Variants in MAN1A2 observed in about 807,000 individuals in gnomAD.
The protein encoded by MAN1A2 is mannosyl-oligosaccharide 1,2-alpha-mannosidase IB.
A neutral mutation model predicts 75.7 loss-of-function variants in MAN1A2; 26 were observed. The observed-to-expected ratio is 0.34, with a 90% CI of 0.25 to 0.48. The LOEUF (loss-of-function observed/expected upper bound fraction) is 0.48. MAN1A2 is among the 20% of genes least tolerant of loss of function. The pLI is 0.99. For synonymous variants in MAN1A2, 247 were observed against 264.6 expected, an observed-to-expected ratio of 0.93 and a Z score of 0.65; for missense variants, 562 against 775.5, an observed-to-expected ratio of 0.72 and a Z score of 3.27.
chr1:117,490,087 G>A (rs1303598263), intron 8 of MAN1A2, among the ~76,000 whole-genome samples: 1 of 151,760 alleles, frequency 6.6e-6, no homozygotes, highest in Non-Finnish European at 1.5e-5. Flanking sequence ...AGTATAGGTG[G>A]GATGAAGTAA....
intron 4 of MAN1A2, among the ~76,000 whole-genome samples, chr1:117,415,766 G>T (rs1211526933): frequency 4.6e-5 from 7 of 151,962 alleles, no homozygotes; most frequent in African/African-American, 7.2e-5. Context: ...TTGTTGTTCT[G>T]TTGGCTTCAG....
chr1:117,376,622 C>A (rs546433954), intron 1 of MAN1A2, among the ~76,000 whole-genome samples: 158 of 152,324 alleles, frequency 1.0e-3, no homozygotes, highest in African/African-American at 3.8e-3. Context: ...TATTTTGAAG[C>A]GTTTTGGTAA....
chr1:117,476,437 C>T (rs1048137441), intron 8 of MAN1A2, among the ~76,000 whole-genome samples: 4 of 152,046 alleles, frequency 2.6e-5, no homozygotes, highest in African/African-American at 9.7e-5. Flanking sequence ...TTGTCCATGC[C>T]TATGTCCTGA....
intron 1 of MAN1A2, among the ~76,000 whole-genome samples, chr1:117,371,923 A>T (rs1570688772): frequency 7.1e-6 from 1 of 141,398 alleles, no homozygotes; most frequent in Non-Finnish European, 1.6e-5. Flanking sequence ...TGGGAGGGGG[A>T]CGGGGGCGGG....
At chr1:117,450,869 C>T (rs930921242) in intron 6 of MAN1A2, among the ~76,000 whole-genome samples, 4 of 152,186 alleles carry the variant, frequency 2.6e-5, no homozygotes, top group African/African-American at 9.7e-5. Flanking sequence ...TAGAAGTTTG[C>T]TGCAGGGACA....
intron 1 of MAN1A2, among the ~76,000 whole-genome samples, chr1:117,382,741 G>A (rs1225288166): frequency 6.6e-6 from 1 of 151,974 alleles, no homozygotes; most frequent in Non-Finnish European, 1.5e-5. Context: ...AGCTTGATGG[G>A]GATGGCATTG....
chr1:117,488,046 A>G (rs1296406723), intron 8 of MAN1A2, among the ~76,000 whole-genome samples: 1 of 152,068 alleles, frequency 6.6e-6, no homozygotes, highest in Admixed American at 6.6e-5. Flanking sequence ...TGAAATGTAG[A>G]ATAAGACATC....
intron 1 of MAN1A2, among the ~76,000 whole-genome samples, chr1:117,388,604 C>T (rs773981305): frequency 6.6e-6 from 1 of 152,100 alleles, no homozygotes; most frequent in Non-Finnish European, 1.5e-5. Flanking sequence ...CAAACCAGGT[C>T]TCATGAGAGC....
intron 3 of MAN1A2, among the ~76,000 whole-genome samples, chr1:117,407,433 G>T (rs1039201144): frequency 6.6e-6 from 1 of 151,680 alleles, no homozygotes; most frequent in African/African-American, 2.4e-5. Context: ...GAGAAGCGTG[G>T]TAAGTAGTTC....
Position 117,512,102 on chromosome 1 carries a change from T to A in MAN1A2, c.1793+9132T>A, listed in dbSNP as rs187512084. 1.4e-3 allele frequency among the ~76,000 whole-genome samples: 207 copies of A among 152,196 alleles called. 2 individuals carry two copies. Among genetic ancestry groups the A allele is most frequent in the African/African-American group, 4.8e-3 (199 of 41,550 alleles). ...ACCTACTTTATTTCCTGGTTGGGGC[T>A]TAGAGCTTGATCTCAGAATTCACTT... On this transcript the variant is annotated intron_variant, in intron 12 of 12. Transcript: ENST00000356554.
At chr1:117,485,954 A>G (rs1650685150) in intron 8 of MAN1A2, among the ~76,000 whole-genome samples, 1 of 151,984 alleles carries the variant, frequency 6.6e-6, no homozygotes, top group Non-Finnish European at 1.5e-5. Flanking sequence ...GGATAGAATT[A>G]GTGACAATTA....
intron 1 of MAN1A2, among the ~76,000 whole-genome samples, chr1:117,381,935 A>C (rs1653355920): frequency 6.6e-6 from 1 of 151,622 alleles, no homozygotes; most frequent in Non-Finnish European, 1.5e-5. Context: ...TCTGATGGCC[A>C]GTGATGATGA....
chr1:117,486,539 A>G (rs978503583), intron 8 of MAN1A2, among the ~76,000 whole-genome samples: 1 of 152,036 alleles, frequency 6.6e-6, no homozygotes, highest in African/African-American at 2.4e-5. Context: ...TTATATTCAT[A>G]GAGTAAAAAT....
At position 117,368,416 on chromosome 1, in the gene MAN1A2, T is replaced by C; in HGVS notation, c.233T>C (p.Val78Ala). The stretch of plus-strand genomic sequence containing the variant: ...TTAGAAGATGTGTTAATTCCACATG[T>C]AGATGCCGGTAAAGGGGCTAAAAAC... ...LGLEDVLIPH[V>A]DAGKGAKNPG... Residue 78 changes from valine (V) to alanine (A), a missense_variant, in exon 1 of 13, where the codon GTA (valine) becomes GCA (alanine). Transcript: ENST00000356554. 6.2e-7 allele frequency: 1 copy of C among 1,614,126 alleles called. No individual in the cohort carries two copies.
intron 1 of MAN1A2, among the ~76,000 whole-genome samples, chr1:117,387,479 G>T (rs994074848): frequency 2.0e-5 from 3 of 152,178 alleles, no homozygotes; most frequent in African/African-American, 4.8e-5. Flanking sequence ...AGGATAAACC[G>T]CATAAGCTAT....
At position 117,525,246 on chromosome 1, in the gene MAN1A2, TCAC is replaced by T; in HGVS notation, c.*2293_*2295del. 2.3e-6 allele frequency: 1 copy of T among 442,702 alleles called. No individual in the cohort carries two copies. Among genetic ancestry groups the T allele is most frequent in the South Asian group, 1.7e-5 (1 of 59,082 alleles). The allele number at this position is 442,702 out of a possible 1,614,324, so 27.4% of individuals were successfully genotyped here. A position where few individuals can be genotyped will look rare whatever the true frequency, so the allele number is the denominator to read the frequency against. ...GACAGGGACAATGGAAGGGTCTTCT[TCAC>T]CACTCCTTACCTTCTATGTGATGGA... On this transcript the variant is annotated 3_prime_UTR_variant, in exon 13 of 13. Transcript: ENST00000356554.
chr1:117,497,715 A>C (rs898420338), intron 10 of MAN1A2, among the ~76,000 whole-genome samples: 1 of 151,858 alleles, frequency 6.6e-6, no homozygotes, highest in Non-Finnish European at 1.5e-5. Context: ...TTTAAAAAAG[A>C]CAAAAGGTTT....
intron 8 of MAN1A2, among the ~76,000 whole-genome samples, chr1:117,483,390 T>C (rs780255580): frequency 2.0e-4 from 30 of 152,144 alleles, no homozygotes; most frequent in Non-Finnish European, 4.0e-4. Context: ...ATTCTTCCAT[T>C]TGTTTGTGTC....
chr1:117,514,361 C>CAA (rs11335667), intron 12 of MAN1A2, among the ~76,000 whole-genome samples: 1 of 139,290 alleles, frequency 7.2e-6, no homozygotes, highest in Non-Finnish European at 1.5e-5. Flanking sequence ...GACTCCATCT[C>CAA]AAAAAAAAAA....
Sources: allele counts gnomAD v4.1 joint callset (sites outside exome capture counted in the v4.1 genomes callset), GRCh38; gene constraint gnomAD v4.1.1; transcripts MANE v1.5; gene names NCBI Gene and HGNC (gene_info 2026-07-23, HGNC 2026-07-21).